DLC1: variants seen among roughly 807,000 people sequenced by gnomAD.
DLC1 encodes rho GTPase-activating protein 7.
In DLC1, 54 loss-of-function variants were observed where a neutral mutation model predicts 140.3. That is an observed-to-expected ratio of 0.38 (90% CI 0.31 to 0.48). DLC1 has a LOEUF of 0.48. DLC1 is among the 20% of genes least tolerant of loss of function. The pLI, the probability that DLC1 is intolerant of heterozygous loss-of-function variation, is 0.96. For synonymous variants in DLC1, 986 were observed against 728.1 expected, an observed-to-expected ratio of 1.35 and a Z score of -5.70; for missense variants, 2,536 against 1,907.0, an observed-to-expected ratio of 1.33 and a Z score of -6.14.
intron 5 of DLC1, among the ~76,000 whole-genome samples, chr8:13,299,582 A>T (rs1482165583): frequency 6.6e-6 from 1 of 150,766 alleles, no homozygotes; most frequent in Non-Finnish European, 1.5e-5. Context: ...TAGGCAGAAG[A>T]TGAAAGCAGA....
chr8:13,405,850 C>G (rs1044570490), intron 2 of DLC1, among the ~76,000 whole-genome samples: 3 of 139,882 alleles, frequency 2.1e-5, no homozygotes, highest in Admixed American at 7.1e-5. Flanking sequence ...CCCTCCCTTT[C>G]TGTCTTTCTC....
chr8:13,600,572 T>C (rs1284441130), intron 1 of DLC1, among the ~76,000 whole-genome samples: 1 of 151,886 alleles, frequency 6.6e-6, no homozygotes, highest in Non-Finnish European at 1.5e-5. Context: ...GTGGTACAGA[T>C]GCAGTTGAAA....
At chr8:13,453,469 T>C (rs554178727) in intron 2 of DLC1, among the ~76,000 whole-genome samples, 3 of 26,510 alleles carry the variant, frequency 1.1e-4, no homozygotes, top group Admixed American at 5.0e-4. Context: ...TGTATATATA[T>C]ACATATATAT....
At chr8:13,559,434 T>C (rs558246366) in intron 1 of DLC1, 1 of 152,366 alleles carries the variant, frequency 6.6e-6, no homozygotes, top group South Asian at 2.1e-4. Flanking sequence ...GCTCCATTTA[T>C]GACATTAGCT....
At chr8:13,572,451 A>G (rs936719150) in intron 1 of DLC1, among the ~76,000 whole-genome samples, 28 of 152,276 alleles carry the variant, frequency 1.8e-4, no homozygotes, top group African/African-American at 6.7e-4. Flanking sequence ...CAGTCTCTTG[A>G]TAGTGTCTTT....
At chr8:13,158,624 G>A (rs555292283) in intron 5 of DLC1, among the ~76,000 whole-genome samples, 1 of 152,034 alleles carries the variant, frequency 6.6e-6, no homozygotes, top group East Asian at 1.9e-4. Flanking sequence ...ATTTTAAAGG[G>A]AGGGACAGAT....
intron 2 of DLC1, among the ~76,000 whole-genome samples, chr8:13,409,064 C>T (rs1328335191): frequency 2.6e-5 from 4 of 151,628 alleles, no homozygotes; most frequent in Non-Finnish European, 2.9e-5. Context: ...ACTTTTCTAC[C>T]GGCACTGTTG....
chr8:13,304,780 A>C (rs1794112739), intron 5 of DLC1: 1 of 954,694 alleles, frequency 1.0e-6, no homozygotes, highest in African/African-American at 1.8e-5. Context: ...AATTATAATT[A>C]AAGCACAGAA....
chr8:13,339,438 T>C (rs2116976468), intron 4 of DLC1: 1 of 152,368 alleles, frequency 6.6e-6, no homozygotes, highest in Admixed American at 6.5e-5. Context: ...TACCATATTT[T>C]CCTTTTAGAG....
intron 2 of DLC1, among the ~76,000 whole-genome samples, chr8:13,415,561 G>C (rs907971981): frequency 2.6e-5 from 4 of 151,770 alleles, no homozygotes; most frequent in African/African-American, 4.8e-5. Flanking sequence ...CACCACACCC[G>C]GCTAGTTTTT....
At chr8:13,537,943 C>A (rs182767963) in intron 1 of DLC1, among the ~76,000 whole-genome samples, 5 of 152,128 alleles carry the variant, frequency 3.3e-5, no homozygotes, top group East Asian at 1.9e-4. Context: ...CGTGAGCCAC[C>A]GCACCCGGCC....
At chr8:13,288,331 T>C (rs1207944970) in intron 5 of DLC1, among the ~76,000 whole-genome samples, 3 of 152,196 alleles carry the variant, frequency 2.0e-5, no homozygotes, top group Admixed American at 2.0e-4. Context: ...TAAGAATTAG[T>C]ATTCCTTGTA....
At position 13,563,571 on chromosome 8, in the gene DLC1, C is replaced by T. The variant is rs536757289; in HGVS notation, c.-126+40966G>A. 2.0e-5 allele frequency among the ~76,000 whole-genome samples: 3 copies of T among 152,218 alleles called. No homozygotes were observed. In the South Asian group the frequency reaches 6.2e-4, roughly 32 times the overall value. ...AAGAGACTTGCTTGATTCACAGAAC[C>T]TTGCACAGTGACACTTGCAGAATTG... On this transcript the variant is annotated intron_variant, in intron 1 of 1. Coordinates refer to the DLC1 transcript ENST00000631382.
intron 1 of DLC1, among the ~76,000 whole-genome samples, chr8:13,523,366 A>C (rs2117289307): frequency 6.6e-6 from 1 of 152,316 alleles, no homozygotes; most frequent in African/African-American, 2.4e-5. Flanking sequence ...AGTCATCATC[A>C]ATTAAAAAAG....
At chr8:13,576,581 A>G (rs1415827916) in intron 1 of DLC1, among the ~76,000 whole-genome samples, 1 of 152,196 alleles carries the variant, frequency 6.6e-6, no homozygotes, top group African/African-American at 2.4e-5. Context: ...GCTATTTCTT[A>G]CAGATAGAGA....
In DLC1 at chr8:13,352,296, C is replaced by T. The variant is rs545990038; in HGVS notation, c.1314+41257G>A. ...AAAGCAACAGGAAGTAAAGGGAGAGCCTTTGATCCATTCAGCTTCATAAGT... is the reference window on the plus strand; with the variant it reads ...AAAGCAACAGGAAGTAAAGGGAGAGTCTTTGATCCATTCAGCTTCATAAGT... On this transcript the variant is annotated intron_variant, in intron 4 of 17. Transcript: ENST00000276297. 2.0e-5 allele frequency among the ~76,000 whole-genome samples: 3 copies of T among 152,286 alleles called. No homozygotes were observed. The South Asian group carries it at 6.2e-4, about 32-fold the overall frequency.
Position 13,086,343 on chromosome 8 carries a change from T to C in DLC1, c.4413A>G (p.Glu1471=), listed in dbSNP as rs1817555995. 2 of 1,613,982 alleles carry C rather than the reference T, an allele frequency of 1.2e-6. No individual in the cohort carries two copies. The highest frequency in any genetic ancestry group is 1.3e-5 in the African/African-American group (1 of 74,884). Reference sequence around the variant, plus strand: ...GTTTGGATTTTCCTGGCCCACAGGGTTCAATCAAATACCTGGACAAGAGCA... The same window carrying C: ...GTTTGGATTTTCCTGGCCCACAGGGCTCAATCAAATACCTGGACAAGAGCA... ...VNVLLSRYLI[E]PCGPGKSKLT... is the part of the protein sequence containing the mutation. Residue 1471 remains glutamate (E), a synonymous_variant, in exon 17 of 18, where the codon GAA becomes GAG. Coordinates refer to ENST00000276297, the MANE Select transcript of DLC1 (RefSeq NM_182643.3).
chr8:13,537,648 C>CTTTTTT lies in DLC1; in HGVS notation c.-125-37458_-125-37453dup, dbSNP rs3066420. Among the ~76,000 whole-genome samples the CTTTTTT allele has an allele frequency of 5.6e-3, 504 of 90,344 alleles. 16 individuals carry two copies. Among genetic ancestry groups the CTTTTTT allele is most frequent in the African/African-American group, 0.022 (479 of 21,882 alleles). The allele number at this position is 90,344 out of a possible 152,430, so 59.3% of individuals were successfully genotyped here. ...ATGGTAATAGTAACAACAGCTAACT[C>CTTTTTT]TTTTTTTTTTTTTTTTTTTTTTTGA... On this transcript the variant is annotated intron_variant, in intron 1 of 1. Transcript: ENST00000631382.
intron 1 of DLC1, among the ~76,000 whole-genome samples, chr8:13,531,637 A>G (rs1803101699): frequency 6.6e-6 from 1 of 152,150 alleles, no homozygotes; most frequent in Admixed American, 6.5e-5. Context: ...TTTATGAATA[A>G]TAGTAATAAC....
Sources: gnomAD v4.1 joint callset for allele counts (sites outside exome capture counted in the v4.1 genomes callset) on GRCh38, gnomAD v4.1.1 for gene constraint, MANE v1.5 for transcripts, NCBI Gene and HGNC (gene_info 2026-07-23, HGNC 2026-07-21) for gene names.